Variants in EYA4 observed in about 807,000 individuals in gnomAD.
EYA4 encodes the protein EYA transcriptional coactivator and phosphatase 4.
Under a neutral mutation model 87.9 loss-of-function variants are expected in EYA4, and 31 were observed. The observed-to-expected ratio is 0.35, with a 90% confidence interval of 0.27 to 0.48. The LOEUF (loss-of-function observed/expected upper bound fraction) is 0.48. Among genes scored for constraint, EYA4 ranks in the 20% least tolerant of loss-of-function variants. EYA4 has a pLI of 0.99. For missense variants in EYA4, 678 were observed against 761.4 expected (o/e 0.89, Z 1.29); for synonymous variants, 263 against 270.6 (o/e 0.97, Z 0.28).
At chr6:133,360,363 C>T (rs542343763) in intron 2 of EYA4, 2 of 152,212 alleles carry the variant, frequency 1.3e-5, no homozygotes, top group South Asian at 2.1e-4. Flanking sequence ...GCTCCAGTTT[C>T]GTCATCTGTC....
At chr6:133,527,996 C>T (rs1282756160) in intron 19 of EYA4, among the ~76,000 whole-genome samples, 1 of 151,976 alleles carries the variant, frequency 6.6e-6, no homozygotes, top group Non-Finnish European at 1.5e-5. Flanking sequence ...GTACTGTATA[C>T]TATTATAGTA....
At chr6:133,285,629 T>C (rs1055308813) in intron 2 of EYA4, among the ~76,000 whole-genome samples, 2 of 152,188 alleles carry the variant, frequency 1.3e-5, no homozygotes, top group Non-Finnish European at 1.5e-5. Context: ...GTGACTAAAG[T>C]TTTTAAATAA....
intron 1 of EYA4, among the ~76,000 whole-genome samples, chr6:133,266,116 G>A (rs1010208468): frequency 2.0e-5 from 3 of 152,162 alleles, no homozygotes; most frequent in African/African-American, 7.2e-5. Flanking sequence ...GTCTGTATTT[G>A]GGAATGTGAC....
At chr6:133,503,085 C>T (rs370561366) in intron 13 of EYA4, among the ~76,000 whole-genome samples, 6 of 152,306 alleles carry the variant, frequency 3.9e-5, no homozygotes, top group Admixed American at 6.5e-5. Flanking sequence ...GTTTTTATCA[C>T]ACCACATGCC....
chr6:133,420,862 T>C (rs1253773777), intron 3 of EYA4, among the ~76,000 whole-genome samples: 1 of 152,172 alleles, frequency 6.6e-6, no homozygotes, highest in African/African-American at 2.4e-5. Context: ...CTCTTCCCAC[T>C]CAACTTAATA....
chr6:133,272,252 C>T (rs1407827903), intron 1 of EYA4, among the ~76,000 whole-genome samples: 1 of 152,196 alleles, frequency 6.6e-6, no homozygotes, highest in Non-Finnish European at 1.5e-5. Flanking sequence ...GTCTTCTCTT[C>T]CTCTGTCAAC....
At chr6:133,408,740 G>A (rs558433549) in intron 3 of EYA4, among the ~76,000 whole-genome samples, 2 of 152,208 alleles carry the variant, frequency 1.3e-5, no homozygotes, top group South Asian at 2.1e-4. Flanking sequence ...TGCCTGGCGC[G>A]ACTAAGTACT....
intron 2 of EYA4, among the ~76,000 whole-genome samples, chr6:133,356,565 C>T (rs2128437539): frequency 6.6e-6 from 1 of 152,088 alleles, no homozygotes; most frequent in Middle Eastern, 3.4e-3. Context: ...TTGAATGCTG[C>T]TGAAGTGATC....
Position 133,382,755 on chromosome 6 carries a change from A to C in EYA4, c.83+314A>C, listed in dbSNP as rs56292316. Among the ~76,000 whole-genome samples, 563 of 150,740 alleles carry C rather than the reference A, an allele frequency of 3.7e-3. 1 individual carries two copies. Among genetic ancestry groups the C allele is most frequent in the African/African-American group, 0.011 (454 of 40,990 alleles). ...CTTTTTATAATGTTTTGAATCTAAA[A>C]TTGTGCCAGATACTGAATAACTGTC... On this transcript the variant is annotated intron_variant, in intron 3 of 19. Transcript: ENST00000355286.
At chr6:133,243,242 C>CCAA (rs1774121628) in intron 1 of EYA4, among the ~76,000 whole-genome samples, 1 of 152,140 alleles carries the variant, frequency 6.6e-6, no homozygotes, top group African/African-American at 2.4e-5. Context: ...CCTAAGAGAA[C>CCAA]CAACAGGTTA....
intron 3 of EYA4, among the ~76,000 whole-genome samples, chr6:133,432,317 C>T (rs549788592): frequency 6.6e-6 from 1 of 152,312 alleles, no homozygotes; most frequent in African/African-American, 2.4e-5. Context: ...GCCATAACTT[C>T]CCAATTGAAT....
At chr6:133,276,723 T>C (rs576380087) in intron 2 of EYA4, among the ~76,000 whole-genome samples, 7 of 152,314 alleles carry the variant, frequency 4.6e-5, no homozygotes, top group African/African-American at 1.2e-4. Context: ...ATTCATCTCA[T>C]AAATGTGCAA....
intron 11 of EYA4, among the ~76,000 whole-genome samples, chr6:133,476,609 C>T (rs1422128398): frequency 6.6e-6 from 1 of 152,058 alleles, no homozygotes; most frequent in African/African-American, 2.4e-5. Context: ...AAACATTATT[C>T]CATAATGTAC....
chr6:133,394,284 G>GTCTTTTTTTTT (rs1787576251), intron 3 of EYA4, among the ~76,000 whole-genome samples: 1 of 17,874 alleles, frequency 5.6e-5, no homozygotes, highest in Admixed American at 7.1e-4. Context: ...ATAAGCTTGT[G>GTCTTTTTTTTT]TTTTTTTTTT....
intron 3 of EYA4, among the ~76,000 whole-genome samples, chr6:133,412,503 A>G (rs142467526): frequency 5.3e-4 from 81 of 152,212 alleles, no homozygotes; most frequent in African/African-American, 1.8e-3. Flanking sequence ...GTATAAATGG[A>G]ATTTCGTGTA....
chr6:133,259,291 T>C (rs1006815109), intron 1 of EYA4, among the ~76,000 whole-genome samples: 1 of 152,210 alleles, frequency 6.6e-6, no homozygotes, highest in Non-Finnish European at 1.5e-5. Context: ...AGCATACTCC[T>C]AATATCTAAC....
chr6:133,462,655 G>T lies in EYA4; in HGVS notation c.615G>T (p.Glu205Asp). The change falls in exon 9 of 20, where the codon GAG becomes GAT. Residue 205 changes from glutamate to aspartate, a missense_variant. Transcript: ENST00000355286. ...TGATGTTGCCAGCCATCAAGACAGA[G>T]AGTGGACTTTCCCAAACTCAGTCCC... ...LGVMLPAIKTESGLSQTQSPL... is the reference protein window; with the variant it reads ...LGVMLPAIKTDSGLSQTQSPL... 6.2e-7 allele frequency: 1 copy of T among 1,614,024 alleles called. No homozygotes were observed. Among genetic ancestry groups the T allele is most frequent in the South Asian group, 1.1e-5 (1 of 91,082 alleles).
chr6:133,365,988 T>C (rs1784826013), intron 2 of EYA4, among the ~76,000 whole-genome samples: 1 of 152,182 alleles, frequency 6.6e-6, no homozygotes, highest in Admixed American at 6.5e-5. Context: ...GGCCTTGTGA[T>C]AAATGGATGC....
chr6:133,476,143 A>G (rs984582195), intron 11 of EYA4, among the ~76,000 whole-genome samples: 2 of 152,112 alleles, frequency 1.3e-5, no homozygotes, highest in Non-Finnish European at 2.9e-5. Flanking sequence ...TTAAAAAGAA[A>G]TTGTATCTAT....
Sources: allele counts gnomAD v4.1 joint callset (sites outside exome capture counted in the v4.1 genomes callset), GRCh38; gene constraint gnomAD v4.1.1; transcripts MANE v1.5; gene names NCBI Gene and HGNC (gene_info 2026-07-23, HGNC 2026-07-21).